TGM3: variants seen among roughly 807,000 people sequenced by gnomAD.
TGM3 encodes the protein protein-glutamine gamma-glutamyltransferase E.
In TGM3, 52 loss-of-function variants were observed where a neutral mutation model predicts 73.8. The observed-to-expected ratio is 0.70, with a 90% confidence interval of 0.56 to 0.89. The LOEUF is 0.89. Ranked by LOEUF, TGM3 falls within the 40% of genes least tolerant of loss-of-function variation. The pLI, the probability that TGM3 is intolerant of heterozygous loss-of-function variation, is 0.00. For synonymous variants in TGM3, 372 were observed against 354.9 expected (o/e 1.05, Z -0.54); for missense variants, 928 against 909.9 (o/e 1.02, Z -0.26).
chr20:2,308,442 G>A (rs1048235094), intron 1 of TGM3, among the ~76,000 whole-genome samples: 1 of 152,116 alleles, frequency 6.6e-6, no homozygotes, highest in Non-Finnish European at 1.5e-5. Context: ...TTATATCAGC[G>A]AACACCTGGT....
chr20:2,326,310 T>C (rs1215239017), intron 8 of TGM3, among the ~76,000 whole-genome samples: 1 of 152,178 alleles, frequency 6.6e-6, no homozygotes, highest in Non-Finnish European at 1.5e-5. Context: ...TGGGGTTTAG[T>C]CCACATTCTC....
intron 10 of TGM3, among the ~76,000 whole-genome samples, chr20:2,333,423 G>T (rs1184922095): frequency 2.0e-5 from 3 of 152,204 alleles, no homozygotes; most frequent in African/African-American, 4.8e-5. Context: ...ACAGGATCTT[G>T]CTCTGTCTGC....
At chr20:2,308,099 G>A (rs1030583293) in intron 1 of TGM3, among the ~76,000 whole-genome samples, 1 of 152,156 alleles carries the variant, frequency 6.6e-6, no homozygotes, top group Non-Finnish European at 1.5e-5. Flanking sequence ...GCTCAGGCCT[G>A]TAGTCCCAGT....
chr20:2,311,503 G>A (rs2084203321), intron 4 of TGM3, among the ~76,000 whole-genome samples: 2 of 152,116 alleles, frequency 1.3e-5, no homozygotes, highest in Admixed American at 6.5e-5. Context: ...GTAACAATGC[G>A]ATGACACTTC....
At chr20:2,322,051 T>C (rs2019129) in intron 7 of TGM3, among the ~76,000 whole-genome samples, 19,223 of 151,716 alleles carry the variant, frequency 0.13, 2,496 homozygotes, top group African/African-American at 0.34. Flanking sequence ...CCTCCCTTGC[T>C]CCTCTCACCC....
chr20:2,320,206 C>A (rs1402194471), intron 7 of TGM3, among the ~76,000 whole-genome samples: 2 of 152,140 alleles, frequency 1.3e-5, no homozygotes, highest in African/African-American at 2.4e-5. Flanking sequence ...GCTTTAGAAC[C>A]GTGCCCAGAT....
chr20:2,339,452 C>G (rs2084368389), intron 11 of TGM3, among the ~76,000 whole-genome samples: 1 of 152,180 alleles, frequency 6.6e-6, no homozygotes, highest in Admixed American at 6.5e-5. Context: ...GCCTGGGCAA[C>G]ACAGCAAGAC....
chr20:2,332,263 A>G lies in TGM3; in HGVS notation c.1595A>G (p.His532Arg), dbSNP rs140371240. 2 of 1,613,300 alleles carry G rather than the reference A, an allele frequency of 1.2e-6. No individual in the cohort carries two copies. Among genetic ancestry groups the G allele is most frequent in the Admixed American group, 1.7e-5 (1 of 59,976 alleles). The change falls in exon 10 of 13, where the codon CAT becomes CGT. Residue 532 changes from histidine to arginine, a missense_variant. By Grantham distance (29) the His-to-Arg change is conservative (BLOSUM62 0). Transcript: ENST00000381458. The surrounding 1 kb of genome is among the most constrained non-coding windows in gnomAD (Gnocchi z 4.4). Reference protein sequence around the residue: ...WTIIYNGTLVHEVWKDSATMS... With the variant: ...WTIIYNGTLVREVWKDSATMS... The stretch of plus-strand genomic sequence containing the variant: ...ATCATCTACAACGGCACGCTTGTAC[A>G]TGAAGTGTGGAAGGACTCTGCCACA...
At chr20:2,305,568 C>T (rs1475067575) in intron 1 of TGM3, among the ~76,000 whole-genome samples, 1 of 152,200 alleles carries the variant, frequency 6.6e-6, no homozygotes. Context: ...CTGCGCATAG[C>T]AGTTGGCATA....
At chr20:2,309,601 C>T in intron 1 of TGM3, 56 bp from the exon 2 acceptor site, 1 of 1,590,750 alleles carries the variant, frequency 6.3e-7, no homozygotes, top group Non-Finnish European at 8.6e-7. Flanking sequence ...ACACCCTTCC[C>T]CCACACCACC....
chr20:2,308,591 C>T (rs2084186658), intron 1 of TGM3, among the ~76,000 whole-genome samples: 1 of 152,176 alleles, frequency 6.6e-6, no homozygotes, highest in South Asian at 2.1e-4. Context: ...TTGACCTGCT[C>T]CTATAAATAG....
intron 1 of TGM3, among the ~76,000 whole-genome samples, chr20:2,306,771 C>T (rs2084178650): frequency 6.6e-6 from 1 of 152,192 alleles, no homozygotes; most frequent in Non-Finnish European, 1.5e-5. Context: ...GCCACTGTAC[C>T]CCGCCAGCCC....
intron 8 of TGM3, among the ~76,000 whole-genome samples, chr20:2,327,753 A>G (rs927724549): frequency 6.6e-6 from 1 of 152,188 alleles, no homozygotes; most frequent in Admixed American, 6.5e-5. Context: ...TTCCTGGACT[A>G]GGAAGGTGAT....
chr20:2,296,307 G>T (rs1203458813), intron 1 of TGM3, among the ~76,000 whole-genome samples: 1 of 152,200 alleles, frequency 6.6e-6, no homozygotes, highest in Admixed American at 6.5e-5. Context: ...TAATGGGCAG[G>T]GTGTTCAGTG....
chr20:2,328,516 C>T lies in TGM3; in HGVS notation c.1333+151C>T. The T allele has an allele frequency of 8.8e-7, 1 of 1,140,266 alleles. No individual in the cohort carries two copies. The highest frequency in any genetic ancestry group is 2.4e-5 in the Admixed American group (1 of 40,936). 70.6% of individuals were successfully genotyped at this position (1,140,266 alleles called of 1,614,324 possible). On this transcript the variant is annotated intron_variant, in intron 9 of 12. Coordinates refer to ENST00000381458, the MANE Select transcript of TGM3 (RefSeq NM_003245.4). The surrounding 1 kb of genome is among the most constrained non-coding windows in gnomAD (Gnocchi z 5.2). ...ATTGCTCCCTAGCACCTAACATCCA[C>T]CTCCCAGGACTGTTTCCGGAGGGAA...
In TGM3 at chr20:2,317,078, A is replaced by G. The variant is rs1479425490; in HGVS notation, c.680A>G (p.Asn227Ser). The G allele has an allele frequency of 3.2e-5, 51 of 1,613,710 alleles. No homozygotes were observed. In the Admixed American group the frequency reaches 6.3e-4, roughly 20 times the overall value. The change falls in exon 6 of 13, where the codon AAT becomes AGT. Residue 227 changes from asparagine (N) to serine (S), a missense_variant. Asn to Ser is a conservative substitution (Grantham distance 46). Transcript: ENST00000381458. ...GRVLSAMINS[N>S]DDNGVLAGNW... ...GTGGTTTCTGCCCAGATCAATAGCA[A>G]TGATGACAATGGTGTGCTTGCTGGG...
intron 1 of TGM3, among the ~76,000 whole-genome samples, chr20:2,308,461 G>A (rs112600550): frequency 5.5e-4 from 84 of 152,304 alleles, no homozygotes; most frequent in African/African-American, 1.9e-3. Flanking sequence ...GTACATCATG[G>A]CATCTCTCAT....
In TGM3 at chr20:2,325,897, C is replaced by T; in HGVS notation, c.1032C>T (p.Gly344=). 1 of 1,590,174 alleles carries T rather than the reference C, an allele frequency of 6.3e-7. No individual in the cohort carries two copies. The highest frequency in any genetic ancestry group is 8.6e-7 in the Non-Finnish European group (1 of 1,167,166). Residue 344 remains glycine, a synonymous_variant, in exon 8 of 13, where the codon GGC becomes GGT. Coordinates refer to ENST00000381458, the MANE Select transcript of TGM3 (RefSeq NM_003245.4). Reference sequence around the variant, plus strand: ...GCTGGTTTGTGAGGTCTGACCTGGGCCCCTCGTACGGTGGATGGCAGGTGT... The same window carrying T: ...GCTGGTTTGTGAGGTCTGACCTGGGTCCCTCGTACGGTGGATGGCAGGTGT... ...NEGWFVRSDL[G]PSYGGWQVLD... is the part of the protein sequence containing the mutation.
At chr20:2,338,560 A>G (rs192771775) in intron 11 of TGM3, among the ~76,000 whole-genome samples, 2 of 152,348 alleles carry the variant, frequency 1.3e-5, no homozygotes, top group East Asian at 1.9e-4. Context: ...ACTGGGAGGT[A>G]TTGCAGACCT....
Sources: gnomAD v4.1 joint callset for allele counts (sites outside exome capture counted in the v4.1 genomes callset) on GRCh38, gnomAD v4.1.1 for gene constraint, Gnocchi (gnomAD v3.1) non-coding constraint, MANE v1.5 for transcripts, NCBI Gene and HGNC (gene_info 2026-07-23, HGNC 2026-07-21) for gene names.